Variants in CSMD1 observed in about 807,000 individuals in gnomAD.
The protein encoded by CSMD1 is CUB and Sushi multiple domains 1.
Under a neutral mutation model 417.5 loss-of-function variants are expected in CSMD1, and 213 were observed. That is an observed-to-expected ratio of 0.51 (90% CI 0.46 to 0.57). CSMD1 has a LOEUF of 0.57. Ranked by LOEUF, CSMD1 falls within the 20% of genes least tolerant of loss-of-function variation. CSMD1 has a pLI of 0.00. For synonymous variants in CSMD1, 2,862 were observed against 1,736.8 expected (o/e 1.65, Z -16.11); for missense variants, 6,923 against 4,529.7 (o/e 1.53, Z -15.17).
chr8:3,783,247 G>C (rs572261930), intron 5 of CSMD1, among the ~76,000 whole-genome samples: 1 of 152,322 alleles, frequency 6.6e-6, no homozygotes, highest in East Asian at 1.9e-4. Context: ...ATACTGTGTA[G>C]GTGCTCCCGG....
chr8:3,987,373 A>G (rs76984520), intron 5 of CSMD1, among the ~76,000 whole-genome samples: 7 of 152,178 alleles, frequency 4.6e-5, no homozygotes, highest in South Asian at 2.1e-4. Flanking sequence ...TTTGTTGTTT[A>G]TCACATATGC....
Position 4,205,421 on chromosome 8 carries a change from C to G in CSMD1, c.416-173322G>C, listed in dbSNP as rs574760507. ...TGTGCCTCATCTCTTTTTAGTATCA[C>G]CAAACTGATATTTATTTCATGATGC... is the stretch of plus-strand genomic sequence containing the variant. On this transcript the variant is annotated intron_variant, in intron 3 of 69. Transcript: ENST00000635120. 6.6e-5 allele frequency among the ~76,000 whole-genome samples: 10 copies of G among 152,294 alleles called. No homozygotes were observed. In the East Asian group the frequency reaches 1.3e-3, roughly 21 times the overall value.
At chr8:4,376,085 T>C (rs1802714861) in intron 3 of CSMD1, among the ~76,000 whole-genome samples, 1 of 152,222 alleles carries the variant, frequency 6.6e-6, no homozygotes, top group South Asian at 2.1e-4. Flanking sequence ...CATAATTTAA[T>C]ATATCATAAC....
intron 2 of CSMD1, among the ~76,000 whole-genome samples, chr8:4,635,064 T>C (rs187707999): frequency 1.3e-5 from 2 of 152,100 alleles, no homozygotes; most frequent in African/African-American, 4.8e-5. Context: ...CTAAGGACAA[T>C]AAACAAGTAG....
chr8:3,852,386 T>C (rs1024572896), intron 5 of CSMD1, among the ~76,000 whole-genome samples: 8 of 152,170 alleles, frequency 5.3e-5, no homozygotes, highest in African/African-American at 1.4e-4. Context: ...CCCAGCCAAG[T>C]GGATGAGCAT....
At chr8:4,708,570 T>C (rs1278077522) in intron 1 of CSMD1, among the ~76,000 whole-genome samples, 8 of 152,194 alleles carry the variant, frequency 5.3e-5, no homozygotes, top group African/African-American at 1.9e-4. Flanking sequence ...TAATATTGTA[T>C]CTTTGAGTCA....
At position 3,749,083 on chromosome 8, in the gene CSMD1, C is replaced by T. The variant is rs977589063; in HGVS notation, c.931+4847G>A. 2.0e-5 allele frequency among the ~76,000 whole-genome samples: 3 copies of T among 152,080 alleles called. No homozygotes were observed. The East Asian group carries it at 5.8e-4, about 29-fold the overall frequency. On this transcript the variant is annotated intron_variant, in intron 6 of 69. Transcript: ENST00000635120. ...AGATGACTATTTAGTAGTGAGGGGG[C>T]CCTCATGGTTCAAGATTAATATATT...
intron 3 of CSMD1, among the ~76,000 whole-genome samples, chr8:4,144,949 C>T (rs1804020535): frequency 6.6e-6 from 1 of 151,000 alleles, no homozygotes; most frequent in Admixed American, 6.6e-5. Context: ...GAAATCATTT[C>T]TAACTTGAAA....
At chr8:3,365,875 G>A (rs1272840533) in intron 20 of CSMD1, among the ~76,000 whole-genome samples, 2 of 152,204 alleles carry the variant, frequency 1.3e-5, no homozygotes, top group African/African-American at 4.8e-5. Context: ...TTACTTATGA[G>A]TAACTCATCT....
At chr8:4,447,020 G>C (rs1798851100) in intron 2 of CSMD1, among the ~76,000 whole-genome samples, 1 of 152,026 alleles carries the variant, frequency 6.6e-6, no homozygotes, top group Admixed American at 6.6e-5. Context: ...GGAAGGGATT[G>C]TGGAGTTAAC....
In CSMD1 at chr8:4,195,986, C is replaced by T. The variant is rs987814358; in HGVS notation, c.416-163887G>A. On this transcript the variant is annotated intron_variant, in intron 3 of 69. Coordinates refer to ENST00000635120, the MANE Select transcript of CSMD1 (RefSeq NM_033225.6). ...CAACACTTTGGGGCACCGAGGTGAG[C>T]GGATCATGAGGTCATGCGATCGAGA... 2.6e-5 allele frequency among the ~76,000 whole-genome samples: 4 copies of T among 151,908 alleles called. 1 individual carries two copies. The highest frequency in any genetic ancestry group is 4.2e-4 in the South Asian group (2 of 4,816).
At chr8:3,511,483 G>C (rs576129197) in intron 10 of CSMD1, among the ~76,000 whole-genome samples, 1 of 151,692 alleles carries the variant, frequency 6.6e-6, no homozygotes, top group African/African-American at 2.4e-5. Flanking sequence ...AGCCAGGCAC[G>C]TTGGCTCACG....
chr8:3,026,958 T>C (rs1809976335), intron 51 of CSMD1, among the ~76,000 whole-genome samples: 1 of 151,970 alleles, frequency 6.6e-6, no homozygotes, highest in African/African-American at 2.4e-5. Context: ...AGGCAAGAGA[T>C]AAAAAGAGGA....
chr8:4,271,138 G>A (rs1199208283), intron 3 of CSMD1, among the ~76,000 whole-genome samples: 1 of 152,142 alleles, frequency 6.6e-6, no homozygotes, highest in Non-Finnish European at 1.5e-5. Context: ...AGCTTACTCT[G>A]AATTATTGTC....
intron 2 of CSMD1, among the ~76,000 whole-genome samples, chr8:4,593,884 C>G (rs1011903304): frequency 6.6e-6 from 1 of 152,096 alleles, no homozygotes; most frequent in Non-Finnish European, 1.5e-5. Flanking sequence ...CAGCTTAAAG[C>G]AACAGGAATT....
intron 1 of CSMD1, among the ~76,000 whole-genome samples, chr8:4,890,061 C>G (rs1243029361): frequency 6.6e-6 from 1 of 152,058 alleles, no homozygotes; most frequent in Non-Finnish European, 1.5e-5. Flanking sequence ...GGTGCTAAAA[C>G]TATGTTCAAT....
At chr8:3,008,924 A>G (rs77505576) in intron 52 of CSMD1, among the ~76,000 whole-genome samples, 3,148 of 152,298 alleles carry the variant, frequency 0.021, 100 homozygotes, top group African/African-American at 0.07. Flanking sequence ...CTCACATGCA[A>G]GTACAGCAAG....
chr8:3,132,155 T>G (rs144564123), intron 41 of CSMD1, among the ~76,000 whole-genome samples: 2,106 of 152,306 alleles, frequency 0.014, 60 homozygotes, highest in African/African-American at 0.049. Flanking sequence ...GGCCACCCAG[T>G]GGGTTTTACC....
chr8:4,037,525 G>A (rs1563348166), intron 3 of CSMD1, among the ~76,000 whole-genome samples: 1 of 152,136 alleles, frequency 6.6e-6, no homozygotes, highest in Non-Finnish European at 1.5e-5. Context: ...AATTTTAGAA[G>A]AATTTGAAAA....
Sources: allele counts gnomAD v4.1 joint callset (sites outside exome capture counted in the v4.1 genomes callset), GRCh38; gene constraint gnomAD v4.1.1; transcripts MANE v1.5; gene names NCBI Gene and HGNC (gene_info 2026-07-23, HGNC 2026-07-21).